Variants in LARS1 observed in about 807,000 individuals in gnomAD.
LARS1 encodes the protein leucine--tRNA ligase, cytoplasmic.
In LARS1, 100 loss-of-function variants were observed where a neutral mutation model predicts 162.8. That is an observed-to-expected ratio of 0.61 (90% CI 0.52 to 0.73). The LOEUF (loss-of-function observed/expected upper bound fraction) is 0.73. LARS1 is among the 30% of genes least tolerant of loss of function. LARS1 has a pLI of 0.00. For missense variants in LARS1, 1,258 were observed against 1,408.9 expected (o/e 0.89, Z 1.71); for synonymous variants, 457 against 462.8 (o/e 0.99, Z 0.16).
intron 21 of LARS1, chr5:146,138,301 C>A: frequency 5.7e-6 from 1 of 174,856 alleles, no homozygotes; most frequent in South Asian, 1.7e-4. Flanking sequence ...TAGCATGGTT[C>A]ATGCCAAATT....
chr5:146,129,125 AAAAAAG>A lies in LARS1; in HGVS notation c.2629-13_2629-8del, dbSNP rs67107752. 408,776 of 1,550,978 alleles carry A rather than the reference AAAAAAG, an allele frequency of 0.26. 59,582 individuals are homozygous for A. The highest frequency in any genetic ancestry group is 0.39 in the Admixed American group (18,515 of 47,286). ...CATTCATAATTGAGTCAGGCTTTTA[AAAAAAG>A]AAAAACAAAAAAACCTTCAGTGAGA... On this transcript the variant is annotated splice_region_variant and splice_polypyrimidine_tract_variant and intron_variant, in intron 25 of 31. Transcript: ENST00000394434.
chr5:146,144,553 T>C lies in LARS1; in HGVS notation c.1590-16A>G, dbSNP rs186363694. The C allele has an allele frequency of 2.5e-6, 4 of 1,613,738 alleles. No homozygotes were observed. In the Admixed American group the frequency reaches 5.0e-5, roughly 20 times the overall value. ...ATCCAAGTACCTGGGAGTGGACAAA[T>C]TGATATGTTTTTTTTTAAGTCAAAG... On this transcript the variant is annotated splice_polypyrimidine_tract_variant and intron_variant, in intron 16 of 31. Coordinates refer to ENST00000394434, the MANE Select transcript of LARS1 (RefSeq NM_020117.11).
chr5:146,143,237 T>C, intron 19 of LARS1, 153 bp from the exon 20 acceptor site: 1 of 864,072 alleles, frequency 1.2e-6, no homozygotes, highest in Non-Finnish European at 1.7e-6. Flanking sequence ...GAATGAAGAA[T>C]AGATGATGAC....
Position 146,164,207 on chromosome 5 carries a change from C to T in LARS1, c.594+103G>A, listed in dbSNP as rs552472666. 659 of 1,197,676 alleles carry T rather than the reference C, an allele frequency of 5.5e-4. 2 individuals are homozygous for T. The highest frequency in any genetic ancestry group is 4.9e-3 in the Middle Eastern group (17 of 3,446). The allele number at this position is 1,197,676 out of a possible 1,614,324, so 74.2% of individuals were successfully genotyped here. ...TCAACGCAGGGTTGCCACAAATCTT[C>T]AATTGTAAAAAAAATCCATGTCTGG... On this transcript the variant is annotated intron_variant, in intron 6 of 31. Transcript: ENST00000394434.
At chr5:146,172,164 C>T (rs962007901) in intron 3 of LARS1, among the ~76,000 whole-genome samples, 174 bp from the exon 4 acceptor site, 5 of 152,154 alleles carry the variant, frequency 3.3e-5, no homozygotes, top group Non-Finnish European at 5.9e-5. Context: ...AATATGCATA[C>T]ATGCCCAGAC....
At chr5:146,140,627 G>A (rs1752730477) in intron 20 of LARS1, among the ~76,000 whole-genome samples, 1 of 152,192 alleles carries the variant, frequency 6.6e-6, no homozygotes, top group Non-Finnish European at 1.5e-5. Flanking sequence ...CCAGGAGGGT[G>A]AAGCCCCATC....
At chr5:146,151,239 T>C (rs1753277365) in intron 14 of LARS1, among the ~76,000 whole-genome samples, 1 of 152,200 alleles carries the variant, frequency 6.6e-6, no homozygotes, top group Admixed American at 6.6e-5. Flanking sequence ...ATGTAACCAA[T>C]TCTTGGTTAT....
At chr5:146,165,675 G>T (rs1369976272) in intron 5 of LARS1, among the ~76,000 whole-genome samples, 3 of 152,060 alleles carry the variant, frequency 2.0e-5, no homozygotes, top group Non-Finnish European at 4.4e-5. Flanking sequence ...CACTCAAGGG[G>T]GAGGGAAGAA....
At chr5:146,138,846 G>A (rs951221866) in intron 21 of LARS1, 13 of 245,744 alleles carry the variant, frequency 5.3e-5, no homozygotes, top group East Asian at 1.1e-4. Context: ...AGAACCAGAC[G>A]GTGACTCCTG....
At chr5:146,115,852 C>T (rs749642417) in intron 31 of LARS1, among the ~76,000 whole-genome samples, 26 of 152,142 alleles carry the variant, frequency 1.7e-4, no homozygotes, top group Non-Finnish European at 1.5e-4. Flanking sequence ...TGAATTACTT[C>T]CCATTTCTTT....
chr5:146,180,686 C>T (rs1410892340), intron 1 of LARS1, among the ~76,000 whole-genome samples: 7 of 152,098 alleles, frequency 4.6e-5, no homozygotes, highest in African/African-American at 1.7e-4. Flanking sequence ...ACTTGTTTCT[C>T]AAAACCTCAA....
chr5:146,116,026 A>C (rs1373097951), intron 31 of LARS1, among the ~76,000 whole-genome samples: 1 of 152,154 alleles, frequency 6.6e-6, no homozygotes, highest in African/African-American at 2.4e-5. Flanking sequence ...CAAAGACCGA[A>C]GTTTAGAGAA....
intron 17 of LARS1, 47 bp downstream of exon 17, chr5:146,144,425 C>T (rs1429564133): frequency 6.3e-7 from 1 of 1,599,364 alleles, no homozygotes. Flanking sequence ...ACTGTTTCCA[C>T]ATTTTTCATC....
chr5:146,146,458 A>G (rs1302902051), intron 15 of LARS1, among the ~76,000 whole-genome samples: 2 of 149,732 alleles, frequency 1.3e-5, no homozygotes, highest in Non-Finnish European at 3.0e-5. Context: ...AAAAAATAAC[A>G]TAAGATAATA....
chr5:146,169,902 C>A (rs1327310651), intron 4 of LARS1, among the ~76,000 whole-genome samples: 1 of 152,076 alleles, frequency 6.6e-6, no homozygotes, highest in Non-Finnish European at 1.5e-5. Flanking sequence ...GGAAACCTGG[C>A]AGGATTAACT....
chr5:146,177,291 A>G (rs1446513671), intron 2 of LARS1, among the ~76,000 whole-genome samples: 1 of 151,490 alleles, frequency 6.6e-6, no homozygotes, highest in African/African-American at 2.4e-5. Context: ...ACAGTGAAAC[A>G]TCATCTCTAC....
chr5:146,175,074 C>G (rs1244534030), intron 2 of LARS1, among the ~76,000 whole-genome samples: 1 of 151,968 alleles, frequency 6.6e-6, no homozygotes, highest in Non-Finnish European at 1.5e-5. Flanking sequence ...GAAAAATTAC[C>G]TGGGTGTGGT....
At chr5:146,168,940 A>G (rs1484562933) in intron 4 of LARS1, among the ~76,000 whole-genome samples, 3 of 152,114 alleles carry the variant, frequency 2.0e-5, no homozygotes, top group African/African-American at 7.2e-5. Flanking sequence ...GGGGAGGGAT[A>G]GCATTAGGAG....
At position 146,122,010 on chromosome 5, in the gene LARS1, C is replaced by T. The variant is rs574062926; in HGVS notation, c.3192+482G>A. Among the ~76,000 whole-genome samples the T allele has an allele frequency of 2.4e-3, 371 of 152,152 alleles. 4 individuals carry two copies. Among genetic ancestry groups the T allele is most frequent in the African/African-American group, 8.6e-3 (358 of 41,536 alleles). On this transcript the variant is annotated intron_variant, in intron 30 of 31. Coordinates refer to ENST00000394434, the MANE Select transcript of LARS1 (RefSeq NM_020117.11). ...CAAACAAAAAACAGAATATCCAAAA[C>T]CTTTTTGTCTTCACCAATAACAGCC...
Sources: gnomAD v4.1 joint callset for allele counts (sites outside exome capture counted in the v4.1 genomes callset) on GRCh38, gnomAD v4.1.1 for gene constraint, MANE v1.5 for transcripts, NCBI Gene and HGNC (gene_info 2026-07-23, HGNC 2026-07-21) for gene names.